CCNB1IP1: variants seen among roughly 807,000 people sequenced by gnomAD.
CCNB1IP1 encodes cyclin B1 interacting protein 1.
A neutral mutation model predicts 25.6 loss-of-function variants in CCNB1IP1; 14 were observed. The observed-to-expected ratio is 0.55, with a 90% CI of 0.36 to 0.85. The LOEUF (loss-of-function observed/expected upper bound fraction) is 0.85, where lower values mean the gene tolerates loss of function less well. Ranked by LOEUF, CCNB1IP1 falls within the 40% of genes least tolerant of loss-of-function variation. CCNB1IP1 has a pLI of 0.01. For missense variants in CCNB1IP1, 278 were observed against 342.4 expected, an observed-to-expected ratio of 0.81 and a Z score of 1.48; for synonymous variants, 119 against 116.1, an observed-to-expected ratio of 1.02 and a Z score of -0.16.
chr14:20,324,838 T>C (rs1883016147), intron 4 of CCNB1IP1, among the ~76,000 whole-genome samples: 1 of 152,084 alleles, frequency 6.6e-6, no homozygotes. Context: ...ACTCTTTTTT[T>C]TGGAGACGGA....
intron 1 of CCNB1IP1, among the ~76,000 whole-genome samples, chr14:20,331,889 G>A (rs1883244098): frequency 7.0e-6 from 1 of 141,940 alleles, no homozygotes; most frequent in Admixed American, 7.0e-5. Flanking sequence ...ACACTGTTAT[G>A]AGGGAGAGGA....
intron 4 of CCNB1IP1, chr14:20,319,115 T>G (rs963708358): frequency 2.0e-5 from 3 of 152,232 alleles, no homozygotes; most frequent in African/African-American, 7.2e-5. Flanking sequence ...TATTATGAAT[T>G]AGTAACAGAT....
intron 4 of CCNB1IP1, chr14:20,318,928 A>G (rs1223071620): frequency 2.0e-5 from 3 of 152,112 alleles, no homozygotes; most frequent in Non-Finnish European, 4.4e-5. Context: ...ACACCCCGCT[A>G]ATTTTTGTAT....
At chr14:20,321,273 G>A (rs1295833903) in intron 4 of CCNB1IP1, among the ~76,000 whole-genome samples, 1 of 152,152 alleles carries the variant, frequency 6.6e-6, no homozygotes, top group Admixed American at 6.6e-5. Context: ...GTAACTTCCT[G>A]TTTATTTTGA....
intron 4 of CCNB1IP1, among the ~76,000 whole-genome samples, chr14:20,317,275 G>A (rs928272918): frequency 1.3e-5 from 2 of 150,366 alleles, no homozygotes; most frequent in East Asian, 4.0e-4. Flanking sequence ...GTGTGGTGGC[G>A]GGCGCCTGTA....
intron 5 of CCNB1IP1, 115 bp downstream of exon 5, chr14:20,316,112 A>G: frequency 1.1e-6 from 1 of 894,534 alleles, no homozygotes; most frequent in Non-Finnish European, 1.6e-6. Context: ...TTTAATAAAA[A>G]GAGTTTCTCA....
chr14:20,316,561 C>A lies in CCNB1IP1; in HGVS notation c.-37-1G>T. 1.9e-6 allele frequency: 3 copies of A among 1,547,016 alleles called. No homozygotes were observed. The highest frequency in any genetic ancestry group is 2.6e-6 in the Non-Finnish European group (3 of 1,138,778). Reference sequence around the variant, plus strand: ...AGGTCTCCAGAAGCTGAAGAGAGGCCTAAGAAGGGGTAAATAAAAAGGCCA... The same window carrying A: ...AGGTCTCCAGAAGCTGAAGAGAGGCATAAGAAGGGGTAAATAAAAAGGCCA... On this transcript the variant is annotated splice_acceptor_variant, in intron 4 of 6. Transcript: ENST00000358932. LOFTEE classifies it low-confidence loss of function (5UTR_SPLICE).
Position 20,326,730 on chromosome 14 carries a change from G to A in CCNB1IP1, c.-167C>T. The A allele has an allele frequency of 2.6e-5, 8 of 304,056 alleles. No individual in the cohort carries two copies. The highest frequency in any genetic ancestry group is 2.1e-4 in the South Asian group (8 of 37,424). 18.8% of individuals were successfully genotyped at this position (304,056 alleles called of 1,614,324 possible). On this transcript the variant is annotated 5_prime_UTR_variant, in exon 3 of 7. Coordinates refer to ENST00000358932, the MANE Select transcript of CCNB1IP1 (RefSeq NM_021178.5). ...CTTACTCTTACCTCTGGCATCACAT[G>A]AATCCAGCTTCTATCTAGAAATCCA... is the stretch of plus-strand genomic sequence containing the variant.
At chr14:20,331,549 T>C (rs1017498973) in intron 1 of CCNB1IP1, among the ~76,000 whole-genome samples, 1 of 152,172 alleles carries the variant, frequency 6.6e-6, no homozygotes, top group African/African-American at 2.4e-5. Flanking sequence ...GAAATGCCTT[T>C]ATGCCAACTG....
intron 1 of CCNB1IP1, among the ~76,000 whole-genome samples, chr14:20,331,772 C>A (rs1883240959): frequency 6.6e-6 from 1 of 151,410 alleles, no homozygotes; most frequent in Non-Finnish European, 1.5e-5. Flanking sequence ...TGTGAACACT[C>A]TACTCATGGA....
At chr14:20,327,115 A>C (rs1461320438) in intron 2 of CCNB1IP1, among the ~76,000 whole-genome samples, 1 of 152,058 alleles carries the variant, frequency 6.6e-6, no homozygotes, top group African/African-American at 2.4e-5. Context: ...AACAAAAAAA[A>C]ACCGAGCAGG....
rs1190738483 is a variant in CCNB1IP1 at position 20,311,644 on chromosome 14, T to C, written c.740A>G (p.Glu247Gly). The C allele has an allele frequency of 6.2e-7, 1 of 1,614,162 alleles. No individual in the cohort carries two copies. The highest frequency in any genetic ancestry group is 8.5e-7 in the Non-Finnish European group (1 of 1,180,022). Reference sequence around the variant, plus strand: ...AAAACTAAAAAAGCTGTTGCTGGGTTCAGGTGCTGTGGGAGAACCCGCAAA... The same window carrying C: ...AAAACTAAAAAAGCTGTTGCTGGGTCCAGGTGCTGTGGGAGAACCCGCAAA... ...PFFAGSPTAP[E>G]PSNSFFSFVS... Residue 247 changes from glutamate (E) to glycine (G), a missense_variant, in exon 7 of 7, where the codon GAA (glutamate) becomes GGA (glycine). Physicochemically the swap from Glu to Gly is moderately conservative, Grantham distance 98. Coordinates refer to ENST00000358932, the MANE Select transcript of CCNB1IP1 (RefSeq NM_021178.5).
At chr14:20,323,171 C>T (rs1052331857) in intron 4 of CCNB1IP1, 3 of 152,048 alleles carry the variant, frequency 2.0e-5, no homozygotes, top group African/African-American at 4.8e-5. Flanking sequence ...AATCACCACC[C>T]GTTTAGTAAT....
In CCNB1IP1 at chr14:20,318,865, C is replaced by T. The variant is rs374230651; in HGVS notation, c.-37-2305G>A. Among the ~76,000 whole-genome samples the T allele has an allele frequency of 5.3e-5, 8 of 152,274 alleles. No homozygotes were observed. The East Asian group carries it at 1.4e-3, about 26-fold the overall frequency. ...GCAACCTCCGCTTTCCGGGTTCAAA[C>T]GATTCTCCTGCCTCAGCCTCCCGAG... On this transcript the variant is annotated intron_variant, in intron 4 of 6. Coordinates refer to ENST00000358932, the MANE Select transcript of CCNB1IP1 (RefSeq NM_021178.5).
chr14:20,320,190 C>T, intron 4 of CCNB1IP1: 1 of 377,946 alleles, frequency 2.6e-6, no homozygotes. Context: ...ATGTCTACTC[C>T]AATATCATAC....
At chr14:20,318,770 T>A (rs1265755385) in intron 4 of CCNB1IP1, among the ~76,000 whole-genome samples, 1 of 152,178 alleles carries the variant, frequency 6.6e-6, no homozygotes. Context: ...ATGAAGCTTT[T>A]TTTTCTTTTC....
chr14:20,318,143 A>C (rs1336313834), intron 4 of CCNB1IP1: 1 of 152,252 alleles, frequency 6.6e-6, no homozygotes, highest in African/African-American at 2.4e-5. Context: ...ATTTTCCTTG[A>C]GTCTGCATTA....
Position 20,311,481 on chromosome 14 carries a change from C to T in CCNB1IP1, c.*69G>A. On this transcript the variant is annotated 3_prime_UTR_variant, in exon 7 of 7. Transcript: ENST00000358932. Reference sequence around the variant, plus strand: ...ATCACTAAAGCCTCAGACTCCTGGGCTCAAGTGATCCTCCCAGCCTCAACC... The same window carrying T: ...ATCACTAAAGCCTCAGACTCCTGGGTTCAAGTGATCCTCCCAGCCTCAACC... 7.3e-7 allele frequency: 1 copy of T among 1,372,002 alleles called. No homozygotes were observed. 85.0% of individuals were successfully genotyped at this position (1,372,002 alleles called of 1,614,324 possible).
At chr14:20,332,026 A>ATATATATATATATATATATATAT (rs59034398) in intron 1 of CCNB1IP1, among the ~76,000 whole-genome samples, 1 of 40,742 alleles carries the variant, frequency 2.5e-5, no homozygotes, top group African/African-American at 8.7e-5. Context: ...ATATATATAT[A>ATATATATATATATATATATATAT]TTTTTTTTTT....
Sources: gnomAD v4.1 joint callset for allele counts (sites outside exome capture counted in the v4.1 genomes callset) on GRCh38, gnomAD v4.1.1 for gene constraint, MANE v1.5 for transcripts, NCBI Gene and HGNC (gene_info 2026-07-23, HGNC 2026-07-21) for gene names.